Variants in TGFBRAP1 observed in about 807,000 individuals in gnomAD.
TGFBRAP1 encodes transforming growth factor beta receptor associated protein 1, also known as transforming growth factor-beta receptor-associated protein 1.
In TGFBRAP1, 20 loss-of-function variants were observed where a neutral mutation model predicts 83.2. That is an observed-to-expected ratio of 0.24 (90% CI 0.17 to 0.35). TGFBRAP1 has a LOEUF of 0.35. Among genes scored for constraint, TGFBRAP1 ranks in the 10% least tolerant of loss-of-function variants. The probability of loss-of-function intolerance (pLI) is 1.00; values close to 1 mark genes in which losing one functional copy is unlikely to be tolerated. For missense variants in TGFBRAP1, 950 were observed against 1,099.4 expected, an observed-to-expected ratio of 0.86 and a Z score of 1.92; for synonymous variants, 415 against 459.8, an observed-to-expected ratio of 0.90 and a Z score of 1.25.
chr2:105,308,550 GTA>G lies in TGFBRAP1; in HGVS notation c.-17-234_-17-233del, dbSNP rs532503057. Among the ~76,000 whole-genome samples, 19 of 152,192 alleles carry G rather than the reference GTA, an allele frequency of 1.2e-4. 1 individual carries two copies. The South Asian group carries it at 3.9e-3, about 32-fold the overall frequency. ...CACACACACACCCATATACACATAT[GTA>G]TGTGCTTGTGATCACGTGCCATCCT... On this transcript the variant is annotated intron_variant, in intron 1 of 11. Coordinates refer to ENST00000393359, the MANE Select transcript of TGFBRAP1 (RefSeq NM_004257.6).
the TGFBRAP1 span, among the ~76,000 whole-genome samples, chr2:105,250,366 C>G: frequency 6.6e-6 from 1 of 152,222 alleles, no homozygotes; most frequent in Non-Finnish European, 1.5e-5. Context: ...TCCGTTCTCT[C>G]TGCTGCTGCC....
chr2:105,263,540 C>T (rs1020618844), downstream of TGFBRAP1, among the ~76,000 whole-genome samples: 1 of 152,080 alleles, frequency 6.6e-6, no homozygotes, highest in African/African-American at 2.4e-5. Context: ...TCTATTCACA[C>T]GTATTTGGGA....
In TGFBRAP1 at chr2:105,272,841, G is replaced by T; in HGVS notation, c.1972+14C>A. On this transcript the variant is annotated intron_variant, in intron 10 of 11. Coordinates refer to ENST00000393359, the MANE Select transcript of TGFBRAP1 (RefSeq NM_004257.6). ...GTTTTTTCCAAAGGGAGACAATACT[G>T]AGATCATCCTCACCGAGAAGAAAGT... 6.2e-7 allele frequency: 1 copy of T among 1,605,994 alleles called. No individual in the cohort carries two copies. Among genetic ancestry groups the T allele is most frequent in the Non-Finnish European group, 8.5e-7 (1 of 1,179,394 alleles).
chr2:105,296,388 C>T lies in TGFBRAP1; in HGVS notation c.1006G>A (p.Ala336Thr). ...VEEALVLAKG[A>T]RRNIPKEKFQ... is the part of the protein sequence containing the mutation. ...TTTTCCTTTGGAATGTTCCTCCGGG[C>T]TCCTTTTGCTAAAACCAAAGCCTCT... The change falls in exon 4 of 12, where the codon GCC becomes ACC. Residue 336 changes from alanine to threonine, a missense_variant. Ala to Thr is a moderately conservative substitution (Grantham distance 58). Coordinates refer to ENST00000393359, the MANE Select transcript of TGFBRAP1 (RefSeq NM_004257.6). 6.2e-7 allele frequency: 1 copy of T among 1,613,892 alleles called. No individual in the cohort carries two copies. The highest frequency in any genetic ancestry group is 8.5e-7 in the Non-Finnish European group (1 of 1,180,010).
In TGFBRAP1 at chr2:105,265,093, A is replaced by C. The variant is rs1475063307; in HGVS notation, c.*2290T>G. The C allele has an allele frequency of 6.6e-6, 1 of 152,252 alleles. No individual in the cohort carries two copies. The highest frequency in any genetic ancestry group is 1.5e-5 in the Non-Finnish European group (1 of 68,042). 9.4% of individuals were successfully genotyped at this position (152,252 alleles called of 1,614,324 possible). A position where few individuals can be genotyped will look rare whatever the true frequency, so the allele number is the denominator to read the frequency against. ...GTGGTGAAGGATTTGGTAGAGATGGAAAACTGCTCAACTTTAATTCCCATT... is the reference window on the plus strand; with the variant it reads ...GTGGTGAAGGATTTGGTAGAGATGGCAAACTGCTCAACTTTAATTCCCATT... On this transcript the variant is annotated 3_prime_UTR_variant, in exon 12 of 12. Transcript: ENST00000393359.
chr2:105,298,934 T>C (rs1489246863), intron 2 of TGFBRAP1, among the ~76,000 whole-genome samples: 1 of 152,152 alleles, frequency 6.6e-6, no homozygotes, highest in South Asian at 2.1e-4. Context: ...TGATATTTAC[T>C]TCCAATTAAA....
intron 1 of TGFBRAP1, among the ~76,000 whole-genome samples, chr2:105,312,651 C>A (rs928633376): frequency 3.3e-5 from 5 of 152,166 alleles, no homozygotes; most frequent in Admixed American, 6.5e-5. Flanking sequence ...TTATTTCCTA[C>A]CAGGTTAAGA....
chr2:105,274,164 G>T (rs1262684339), intron 8 of TGFBRAP1, among the ~76,000 whole-genome samples: 1 of 152,194 alleles, frequency 6.6e-6, no homozygotes, highest in Non-Finnish European at 1.5e-5. Flanking sequence ...TCTACTCTGG[G>T]TTATTTATGA....
chr2:105,255,175 G>T, the TGFBRAP1 span, among the ~76,000 whole-genome samples: 1 of 152,140 alleles, frequency 6.6e-6, no homozygotes, highest in Non-Finnish European at 1.5e-5. Flanking sequence ...TAATCAAAAA[G>T]ATATAGTAAC....
At chr2:105,316,462 T>TGTGTGTGTGTGTGTGCGCGCGC (rs1177329674) in intron 1 of TGFBRAP1, among the ~76,000 whole-genome samples, 6 of 84,808 alleles carry the variant, frequency 7.1e-5, no homozygotes, top group African/African-American at 2.2e-4. Context: ...TGTGTGTGTG[T>TGTGTGTGTGTGTGTGCGCGCGC]GCGCGCGCGC....
In TGFBRAP1 at chr2:105,265,083, G is replaced by A. The variant is rs1256039677; in HGVS notation, c.*2300C>T. ...AATGCTGCTTGTGGTGAAGGATTTG[G>A]TAGAGATGGAAAACTGCTCAACTTT... On this transcript the variant is annotated 3_prime_UTR_variant, in exon 12 of 12. Transcript: ENST00000393359. 1.3e-5 allele frequency: 2 copies of A among 152,200 alleles called. No individual in the cohort carries two copies. Among genetic ancestry groups the A allele is most frequent in the Non-Finnish European group, 2.9e-5 (2 of 68,048 alleles). The allele number at this position is 152,200 out of a possible 1,614,324, so 9.4% of individuals were successfully genotyped here.
intron 10 of TGFBRAP1, among the ~76,000 whole-genome samples, chr2:105,272,054 TA>T (rs1677174481): frequency 6.6e-6 from 1 of 152,214 alleles, no homozygotes; most frequent in East Asian, 1.9e-4. Context: ...ACACGTGTGT[TA>T]GATATGCTTT....
chr2:105,313,642 A>G (rs1413928173), intron 1 of TGFBRAP1, among the ~76,000 whole-genome samples: 4 of 152,216 alleles, frequency 2.6e-5, no homozygotes. Flanking sequence ...GAAAAATCAC[A>G]GATCATTCTT....
intron 2 of TGFBRAP1, among the ~76,000 whole-genome samples, chr2:105,305,951 A>G (rs1275224905): frequency 6.6e-6 from 1 of 152,148 alleles, no homozygotes; most frequent in African/African-American, 2.4e-5. Context: ...CACCTAGCCC[A>G]GCCTCAACAA....
At chr2:105,258,560 G>C in the TGFBRAP1 span, among the ~76,000 whole-genome samples, 1 of 151,810 alleles carries the variant, frequency 6.6e-6, no homozygotes, top group Non-Finnish European at 1.5e-5. Flanking sequence ...TAGACCATCA[G>C]CTCCCTGGTT....
At chr2:105,255,164 CT>C in the TGFBRAP1 span, among the ~76,000 whole-genome samples, 36,483 of 152,126 alleles carry the variant, frequency 0.24, 5,484 homozygotes, top group South Asian at 0.43. Context: ...TCCCAGTGGC[CT>C]AATCAAAAAG....
intron 1 of TGFBRAP1, among the ~76,000 whole-genome samples, chr2:105,318,893 C>A (rs1159655446): frequency 6.6e-6 from 1 of 152,206 alleles, no homozygotes; most frequent in Non-Finnish European, 1.5e-5. Flanking sequence ...GTCCCTCTCC[C>A]TTCCACTTCC....
intron 6 of TGFBRAP1, among the ~76,000 whole-genome samples, 171 bp downstream of exon 6, chr2:105,280,211 T>G (rs1416478257): frequency 6.6e-6 from 1 of 152,188 alleles, no homozygotes; most frequent in African/African-American, 2.4e-5. Context: ...AGAGGGCATC[T>G]GAGGAGCACA....
At chr2:105,296,756 C>CTTTTTTTTTTTTTTTTTTTTT (rs60031957) in intron 3 of TGFBRAP1, among the ~76,000 whole-genome samples, 1 of 73,226 alleles carries the variant, frequency 1.4e-5, no homozygotes. Flanking sequence ...CTTTTTTTGC[C>CTTTTTTTTTTTTTTTTTTTTT]TTTTTTTTTT....
Sources: allele counts gnomAD v4.1 joint callset (sites outside exome capture counted in the v4.1 genomes callset), GRCh38; gene constraint gnomAD v4.1.1; transcripts MANE v1.5; gene names NCBI Gene and HGNC (gene_info 2026-07-23, HGNC 2026-07-21).